Variants in SLC26A8 observed in about 807,000 individuals in gnomAD.
The protein encoded by SLC26A8 is solute carrier family 26 member 8, also known as testis anion transporter 1.
In SLC26A8, 70 loss-of-function variants were observed where a neutral mutation model predicts 105.0. The observed-to-expected ratio is 0.67, with a 90% CI of 0.55 to 0.81. The LOEUF is 0.81. SLC26A8 is among the 40% of genes least tolerant of loss of function. The probability of loss-of-function intolerance (pLI) is 0.00; values close to 1 mark genes in which losing one functional copy is unlikely to be tolerated. For missense variants in SLC26A8, 998 were observed against 1,181.8 expected, an observed-to-expected ratio of 0.84 and a Z score of 2.28; for synonymous variants, 415 against 438.3, an observed-to-expected ratio of 0.95 and a Z score of 0.66.
At chr6:35,978,130 A>G (rs1773112713) in intron 8 of SLC26A8, among the ~76,000 whole-genome samples, 1 of 149,884 alleles carries the variant, frequency 6.7e-6, no homozygotes, top group Non-Finnish European at 1.5e-5. Flanking sequence ...AAAACCAGAC[A>G]TAGACAGCAC....
At chr6:35,959,939 C>T (rs1186305816) in intron 14 of SLC26A8, 133 bp from the exon 15 acceptor site, 15 of 707,066 alleles carry the variant, frequency 2.1e-5, no homozygotes, top group East Asian at 3.3e-5. Context: ...GACAGAGTCT[C>T]ACTCTGTTGC....
At chr6:35,993,135 C>A (rs142314834) in intron 5 of SLC26A8, among the ~76,000 whole-genome samples, 3 of 135,292 alleles carry the variant, frequency 2.2e-5, no homozygotes, top group African/African-American at 8.2e-5. Context: ...ATAGCTGGGA[C>A]TACAGATGCT....
chr6:36,009,276 G>T (rs373435507), intron 3 of SLC26A8, among the ~76,000 whole-genome samples: 1 of 152,022 alleles, frequency 6.6e-6, no homozygotes, highest in Admixed American at 6.6e-5. Flanking sequence ...GCTTGAACCC[G>T]GGTGGCAGAG....
In SLC26A8 at chr6:35,966,684, T is replaced by C. The variant is rs1249342398; in HGVS notation, c.1365+2193A>G. Among the ~76,000 whole-genome samples the C allele has an allele frequency of 3.3e-5, 5 of 152,222 alleles. No homozygotes were observed. In the East Asian group the frequency reaches 9.6e-4, roughly 29 times the overall value. ...GGGACTCTAACAAGGGTTTTGCAAC[T>C]GTTCACAGTTTTTCAAGAAAGGAAG... On this transcript the variant is annotated intron_variant, in intron 11 of 19. Transcript: ENST00000490799.
intron 19 of SLC26A8, among the ~76,000 whole-genome samples, chr6:35,950,335 G>A (rs1771824068): frequency 6.7e-6 from 1 of 149,442 alleles, no homozygotes; most frequent in Non-Finnish European, 1.5e-5. Flanking sequence ...TGTCGCCCAG[G>A]CTGGAGTGCA....
intron 10 of SLC26A8, among the ~76,000 whole-genome samples, chr6:35,973,155 A>G (rs1027673066): frequency 2.0e-5 from 3 of 152,146 alleles, no homozygotes; most frequent in African/African-American, 7.2e-5. Flanking sequence ...CCAAATTTAC[A>G]TTATGCTTAT....
intron 5 of SLC26A8, among the ~76,000 whole-genome samples, chr6:35,994,765 C>T (rs1562056579): frequency 1.3e-5 from 2 of 152,102 alleles, no homozygotes; most frequent in African/African-American, 2.4e-5. Flanking sequence ...TAAGTAGAGA[C>T]AGGGTTTCGC....
intron 19 of SLC26A8, among the ~76,000 whole-genome samples, chr6:35,947,747 A>G (rs1052467904): frequency 6.6e-6 from 1 of 152,144 alleles, no homozygotes; most frequent in African/African-American, 2.4e-5. Context: ...CCTGGGCAAC[A>G]TGGCAAAACC....
Position 36,000,029 on chromosome 6 carries a change from G to C in SLC26A8, c.408C>G (p.Ile136Met). Reference sequence around the variant, plus strand: ...GATGACACGATCCAAAAATTACATAGATTACCGAAGAACAGAAAGCTGCAT... The same window carrying C: ...GATGACACGATCCAAAAATTACATACATTACCGAAGAACAGAAAGCTGCAT... The part of the protein sequence containing the change: ...IAYAAFCSSV[I>M]YVIFGSCHQM... Residue 136 changes from isoleucine (I) to methionine (M), a missense_variant, in exon 4 of 20, where the codon ATC (isoleucine) becomes ATG (methionine). Physicochemically the swap from Ile to Met is conservative, Grantham distance 10. Transcript: ENST00000490799. 1 of 1,614,046 alleles carries C rather than the reference G, an allele frequency of 6.2e-7. No individual in the cohort carries two copies. The highest frequency in any genetic ancestry group is 1.1e-5 in the South Asian group (1 of 91,076).
chr6:36,010,791 G>A (rs1206240619), intron 3 of SLC26A8, among the ~76,000 whole-genome samples: 2 of 151,926 alleles, frequency 1.3e-5, no homozygotes, highest in Non-Finnish European at 2.9e-5. Context: ...TGCCTGCCCA[G>A]GCCTCCCAAA....
At chr6:35,976,161 C>T (rs915725847) in intron 9 of SLC26A8, among the ~76,000 whole-genome samples, 14 of 151,966 alleles carry the variant, frequency 9.2e-5, no homozygotes, top group African/African-American at 3.4e-4. Flanking sequence ...TGCGGTGGCT[C>T]ACACCTGTAA....
chr6:36,010,249 T>C (rs903651599), intron 3 of SLC26A8, among the ~76,000 whole-genome samples: 3 of 152,224 alleles, frequency 2.0e-5, no homozygotes, highest in Non-Finnish European at 2.9e-5. Context: ...AGAATATTAC[T>C]AAGCAATAAA....
At position 35,969,577 on chromosome 6, in the gene SLC26A8, A is replaced by C. The variant is rs140643875; in HGVS notation, c.1288-623T>G. 997 of 151,606 alleles carry C rather than the reference A, an allele frequency of 6.6e-3. 6 individuals carry two copies. The highest frequency in any genetic ancestry group is 0.014 in the Middle Eastern group (4 of 292). The allele number at this position is 151,606 out of a possible 1,614,324, so 9.4% of individuals were successfully genotyped here. On this transcript the variant is annotated intron_variant, in intron 10 of 19. Coordinates refer to ENST00000490799, the MANE Select transcript of SLC26A8 (RefSeq NM_052961.4). ...CACGCCACTGCACTCCAGCCTGGCG[A>C]CAGAGTGAGACTCCATCTCAAAAAA...
intron 2 of SLC26A8, among the ~76,000 whole-genome samples, chr6:36,017,212 G>GGAGAAAAT (rs1762017917): frequency 1.2e-5 from 1 of 83,892 alleles, no homozygotes. Context: ...GAAGGAAGGA[G>GGAGAAAAT]AAAAGAAAAG....
At chr6:36,017,297 A>T (rs945306869) in intron 2 of SLC26A8, among the ~76,000 whole-genome samples, 4 of 152,196 alleles carry the variant, frequency 2.6e-5, no homozygotes, top group Non-Finnish European at 5.9e-5. Context: ...AAGTCCAGGC[A>T]ACAAAAGAAA....
intron 10 of SLC26A8, among the ~76,000 whole-genome samples, chr6:35,971,052 C>A (rs1772778912): frequency 6.6e-6 from 1 of 151,892 alleles, no homozygotes; most frequent in Non-Finnish European, 1.5e-5. Flanking sequence ...ACAACAACAA[C>A]AACAAAAATC....
chr6:35,989,942 T>TTC (rs1773695964), intron 7 of SLC26A8: 1 of 126,044 alleles, frequency 7.9e-6, no homozygotes, highest in Non-Finnish European at 1.7e-5. Flanking sequence ...TTTTTTTTTT[T>TTC]TTTTTTTTTT....
Position 35,992,804 on chromosome 6 carries a change from C to T in SLC26A8, c.628-130G>A, listed in dbSNP as rs557886938. 42 of 880,386 alleles carry T rather than the reference C, an allele frequency of 4.8e-5. No individual in the cohort carries two copies. In the African/African-American group the frequency reaches 4.9e-4, roughly 10 times the overall value. The allele number at this position is 880,386 out of a possible 1,614,324, so 54.5% of individuals were successfully genotyped here. On this transcript the variant is annotated intron_variant, in intron 5 of 19. Transcript: ENST00000490799. ...TAGGCCCCTTTGGTAACTCTTGTAA[C>T]TCTCTTTCCCTAATGAACAGAAGTT...
In SLC26A8 at chr6:35,975,408, A is replaced by G. The variant is rs1369227869; in HGVS notation, c.1254T>C (p.Thr418=). The change falls in exon 10 of 20, where the codon ACT becomes ACC. Residue 418 remains threonine, a synonymous_variant. Coordinates refer to ENST00000490799, the MANE Select transcript of SLC26A8 (RefSeq NM_052961.4). The part of the protein sequence containing the change: ...SCVFTGAIAR[T]IIQDKSGGRQ... ...TTCCTCCAGATTTATCCTGGATAAT[A>G]GTCCTAGCAATAGCACCAGTAAACA... 6.2e-7 allele frequency: 1 copy of G among 1,612,644 alleles called. No individual in the cohort carries two copies. The highest frequency in any genetic ancestry group is 1.3e-5 in the African/African-American group (1 of 74,876).
Sources: allele counts gnomAD v4.1 joint callset (sites outside exome capture counted in the v4.1 genomes callset), GRCh38; gene constraint gnomAD v4.1.1; transcripts MANE v1.5; gene names NCBI Gene and HGNC (gene_info 2026-07-23, HGNC 2026-07-21).